Variants in SCN1A observed in about 807,000 individuals in gnomAD.
The protein encoded by SCN1A is sodium voltage-gated channel alpha subunit 1.
In SCN1A, 13 loss-of-function variants were observed where a neutral mutation model predicts 193.7. That is an observed-to-expected ratio of 0.07 (90% CI 0.04 to 0.11). SCN1A has a LOEUF of 0.11. Ranked by LOEUF, SCN1A falls within the 10% of genes least tolerant of loss-of-function variation. SCN1A has a pLI of 1.00. For synonymous variants in SCN1A, 781 were observed against 843.6 expected (o/e 0.93, Z 1.29); for missense variants, 1,432 against 2,451.1 (o/e 0.58, Z 8.78).
intron 3 of SCN1A, among the ~76,000 whole-genome samples, chr2:166,076,017 A>G (rs547938066): frequency 6.6e-6 from 1 of 151,818 alleles, no homozygotes; most frequent in East Asian, 1.9e-4. Flanking sequence ...ATTTTTTTCA[A>G]TCTATAGCAT....
chr2:166,084,439 T>G (rs1253599528), intron 2 of SCN1A, among the ~76,000 whole-genome samples: 3 of 152,140 alleles, frequency 2.0e-5, no homozygotes, highest in African/African-American at 7.2e-5. Context: ...CAGGTCATTT[T>G]TGCCTATGGT....
In SCN1A at chr2:166,057,457, A is replaced by G. The variant is rs138822761; in HGVS notation, c.384-957T>C. 4.1e-3 allele frequency among the ~76,000 whole-genome samples: 622 copies of G among 152,172 alleles called. 5 individuals carry two copies. The highest frequency in any genetic ancestry group is 9.9e-3 in the African/African-American group (410 of 41,556). On this transcript the variant is annotated intron_variant, in intron 5 of 28. Transcript: ENST00000674923. Reference sequence around the variant, plus strand: ...GGAATCAGATAAAGGGTCCAGGACTAGAATATAAGTTTCCTACATTAAGAT... The same window carrying G: ...GGAATCAGATAAAGGGTCCAGGACTGGAATATAAGTTTCCTACATTAAGAT...
At chr2:166,039,724 G>C (rs1053464268) in intron 16 of SCN1A, 128 bp from the exon 17 acceptor site, 3 of 805,608 alleles carry the variant, frequency 3.7e-6, no homozygotes, top group Non-Finnish European at 6.1e-6. Flanking sequence ...AATTTGTATG[G>C]CAATTTGTAG....
At chr2:166,102,521 A>G (rs567314177) in intron 2 of SCN1A, among the ~76,000 whole-genome samples, 8 of 150,282 alleles carry the variant, frequency 5.3e-5, no homozygotes, top group African/African-American at 1.9e-4. Flanking sequence ...AAAAGAAAAA[A>G]AAGAAAAAAA....
upstream of SCN1A, among the ~76,000 whole-genome samples, chr2:166,129,598 G>A (rs946798921): frequency 1.3e-5 from 2 of 152,122 alleles, no homozygotes; most frequent in Non-Finnish European, 2.9e-5. Flanking sequence ...AAGAAGATGA[G>A]GAGACAGGTG....
intron 1 of SCN1A, among the ~76,000 whole-genome samples, chr2:166,145,274 T>C (rs1478121656): frequency 6.6e-6 from 1 of 151,484 alleles, no homozygotes; most frequent in East Asian, 1.9e-4. Context: ...CCTGACCTCG[T>C]GATCTGCCCG....
rs568375790 is a variant in SCN1A at position 166,039,199 on chromosome 2, T to C, written c.2589+224A>G. On this transcript the variant is annotated intron_variant, in intron 17 of 28. Coordinates refer to ENST00000674923, the MANE Select transcript of SCN1A (RefSeq NM_001165963.4). ...AGCAATACTTAGTGAAAATAGCAAC[T>C]GAGTAATACGTTAACTTTTACGTAA... is the stretch of plus-strand genomic sequence containing the variant. Among the ~76,000 whole-genome samples the C allele has an allele frequency of 2.9e-5, 3 of 102,798 alleles. No individual in the cohort carries two copies. The Admixed American group carries it at 3.3e-4, about 11-fold the overall frequency. 67.4% of individuals were successfully genotyped at this position (102,798 alleles called of 152,430 possible).
intron 12 of SCN1A, 137 bp downstream of exon 12, chr2:166,046,633 T>C: frequency 1.3e-6 from 1 of 782,564 alleles, no homozygotes. Flanking sequence ...TAAATAAAAG[T>C]AAGTGGATCA....
At chr2:166,092,118 G>A (rs2106088378) in intron 2 of SCN1A, among the ~76,000 whole-genome samples, 1 of 152,136 alleles carries the variant, frequency 6.6e-6, no homozygotes, top group East Asian at 1.9e-4. Flanking sequence ...AGGCGTCTTT[G>A]TGGAGAACTT....
intron 3 of SCN1A, among the ~76,000 whole-genome samples, chr2:166,076,517 A>AT (rs140605094): frequency 0.077 from 11,667 of 151,998 alleles, 1,213 homozygotes; most frequent in African/African-American, 0.24. Flanking sequence ...CCCAGCAGTT[A>AT]TTTGTGGATA....
Position 166,015,655 on chromosome 2 carries a change from C to T in SCN1A, c.3502G>A (p.Val1168Ile), listed in dbSNP as rs146374754. The change falls in exon 20 of 29, where the codon GTA becomes ATA. Residue 1168 changes from valine (V) to isoleucine (I), a missense_variant. Val to Ile is a conservative substitution (Grantham distance 29). Coordinates refer to ENST00000674923, the MANE Select transcript of SCN1A (RefSeq NM_001165963.4). Reference protein sequence around the residue: ...DIGAPVEEQPVVEPEETLEPE... With the variant: ...DIGAPVEEQPIVEPEETLEPE... ...TCAAGAGTTTCTTCAGGTTCCACTACGGGCTGTTCTTCTACAGGTGCGCCG... is the reference window on the plus strand; with the variant it reads ...TCAAGAGTTTCTTCAGGTTCCACTATGGGCTGTTCTTCTACAGGTGCGCCG... 1.9e-5 allele frequency: 31 copies of T among 1,612,880 alleles called. No homozygotes were observed. Among genetic ancestry groups the T allele is most frequent in the African/African-American group, 2.7e-5 (2 of 74,980 alleles).
In SCN1A at chr2:165,989,975, A is replaced by G. The variant is rs1688918245; in HGVS notation, c.*1270T>C. On this transcript the variant is annotated 3_prime_UTR_variant, in exon 29 of 29. Coordinates refer to ENST00000674923, the MANE Select transcript of SCN1A (RefSeq NM_001165963.4). ...GTTAAAGTGCTGCAAACTATTGCTT[A>G]ATGACTTAAATAAATGAGATCTGTT... 6.6e-6 allele frequency: 1 copy of G among 152,624 alleles called. No homozygotes were observed. 9.5% of individuals were successfully genotyped at this position (152,624 alleles called of 1,614,324 possible).
At chr2:166,134,529 A>T (rs1691780629) in intron 1 of SCN1A, among the ~76,000 whole-genome samples, 1 of 152,218 alleles carries the variant, frequency 6.6e-6, no homozygotes, top group South Asian at 2.1e-4. Context: ...ACTGTCCTTC[A>T]ATCTAGCTCC....
chr2:166,014,000 G>T, intron 20 of SCN1A, 102 bp from the exon 21 acceptor site: 1 of 1,361,336 alleles, frequency 7.3e-7, no homozygotes. Context: ...GCTCATCTCT[G>T]TCTTGCTAGC....
At chr2:165,994,674 C>G (rs961453489) in intron 27 of SCN1A, among the ~76,000 whole-genome samples, 1 of 145,546 alleles carries the variant, frequency 6.9e-6, no homozygotes, top group African/African-American at 2.5e-5. Flanking sequence ...AACAAACAAA[C>G]AAACAAAAGA....
intron 4 of SCN1A, among the ~76,000 whole-genome samples, chr2:166,062,469 G>A (rs1683411046): frequency 6.6e-6 from 1 of 152,040 alleles, no homozygotes; most frequent in South Asian, 2.1e-4. Context: ...CAGTTTATAA[G>A]TGTTAAGAAT....
intron 26 of SCN1A, among the ~76,000 whole-genome samples, chr2:165,997,161 C>T (rs990721027): frequency 6.7e-6 from 1 of 149,676 alleles, no homozygotes; most frequent in Non-Finnish European, 1.5e-5. Context: ...GTCCCTCTCT[C>T]TTTTTTTTTG....
intron 2 of SCN1A, among the ~76,000 whole-genome samples, chr2:166,100,681 A>T (rs1687947762): frequency 6.9e-6 from 1 of 145,126 alleles, no homozygotes; most frequent in Non-Finnish European, 1.5e-5. Context: ...AAACAACCCC[A>T]TCAAAAAGTG....
chr2:166,012,360 G>A, intron 21 of SCN1A, 78 bp from the exon 22 acceptor site: 1 of 1,140,696 alleles, frequency 8.8e-7, no homozygotes, highest in Non-Finnish European at 1.3e-6. Context: ...TTAATCATAT[G>A]CATATGACAT....
Sources: allele counts gnomAD v4.1 joint callset (sites outside exome capture counted in the v4.1 genomes callset), GRCh38; gene constraint gnomAD v4.1.1; transcripts MANE v1.5; gene names NCBI Gene and HGNC (gene_info 2026-07-23, HGNC 2026-07-21).